NUTM2E: variants seen among roughly 807,000 people sequenced by gnomAD.
The protein encoded by NUTM2E is family with sequence similarity 22, member E.
Under a neutral mutation model 26.1 loss-of-function variants are expected in NUTM2E, and 3 were observed. The observed-to-expected ratio is 0.12, with a 90% CI of 0.05 to 0.30. NUTM2E has a LOEUF of 0.30. Among genes scored for constraint, NUTM2E ranks in the 10% least tolerant of loss-of-function variants. The pLI is 1.00. For synonymous variants in NUTM2E, 13 were observed against 157.5 expected, an observed-to-expected ratio of 0.08 and a Z score of 6.87; for missense variants, 62 against 381.3, an observed-to-expected ratio of 0.16 and a Z score of 6.97.
At chr10:79,831,881 C>T (rs1841929071) in intron 1 of NUTM2E, among the ~76,000 whole-genome samples, 2 of 150,880 alleles carry the variant, frequency 1.3e-5, no homozygotes, top group Non-Finnish European at 3.0e-5. Flanking sequence ...GTGACTTAAT[C>T]ACAAAACGCG....
chr10:79,837,919 A>G (rs555733195), intron 1 of NUTM2E, among the ~76,000 whole-genome samples: 1 of 151,872 alleles, frequency 6.6e-6, no homozygotes, highest in African/African-American at 2.4e-5. Context: ...AGGCAATTAC[A>G]GTGTAGGATA....
chr10:79,834,467 G>A (rs886508437), intron 1 of NUTM2E, among the ~76,000 whole-genome samples: 3 of 151,668 alleles, frequency 2.0e-5, no homozygotes, highest in South Asian at 2.1e-4. Context: ...TTGGGAGCCC[G>A]AGGCAGGCGG....
intron 1 of NUTM2E, among the ~76,000 whole-genome samples, chr10:79,837,128 TAGTC>T (rs748118589): frequency 2.6e-5 from 4 of 152,096 alleles, no homozygotes; most frequent in South Asian, 2.1e-4. Flanking sequence ...GACTTTTTCA[TAGTC>T]AGAGCCACCT....
At chr10:79,837,318 G>A (rs1246768858) in intron 1 of NUTM2E, among the ~76,000 whole-genome samples, 1 of 151,928 alleles carries the variant, frequency 6.6e-6, no homozygotes, top group Non-Finnish European at 1.5e-5. Context: ...TGGTCCATTT[G>A]GTTGTATATT....
At position 79,839,467 on chromosome 10, in the gene NUTM2E, A is replaced by T. The variant is rs867826609; in HGVS notation, c.-2113-161A>T. 3.0e-4 allele frequency among the ~76,000 whole-genome samples: 45 copies of T among 151,554 alleles called. 1 individual carries two copies. The highest frequency in any genetic ancestry group is 9.9e-4 in the African/African-American group (41 of 41,340). On this transcript the variant is annotated intron_variant, in intron 3 of 9. Transcript: ENST00000429984. ...TCAATTTCAGTCGATAAAGCAGCAGATACTAAGGGAACAATTCCACGCTCC... is the reference window on the plus strand; with the variant it reads ...TCAATTTCAGTCGATAAAGCAGCAGTTACTAAGGGAACAATTCCACGCTCC...
rs1246023637 is a variant in NUTM2E, at chr10:79,830,706, A to G, written c.-2728+3349A>G. Among the ~76,000 whole-genome samples the G allele has an allele frequency of 3.3e-5, 5 of 151,876 alleles. No homozygotes were observed. In the East Asian group the frequency reaches 9.7e-4, roughly 29 times the overall value. On this transcript the variant is annotated intron_variant, in intron 1 of 9. Transcript: ENST00000429984. ...TTTAAAATAATCAAATTAGCAAAAT[A>G]CAAAAAAAAGAACATTTCACATGAA...
intron 1 of NUTM2E, among the ~76,000 whole-genome samples, chr10:79,831,575 C>T (rs1397165468): frequency 2.0e-5 from 3 of 151,742 alleles, no homozygotes; most frequent in African/African-American, 7.3e-5. Context: ...CTCATCAGAC[C>T]ATATTGCATG....
intron 1 of NUTM2E, among the ~76,000 whole-genome samples, chr10:79,830,749 T>G (rs7074201): frequency 0.05 from 7,635 of 151,874 alleles, 534 homozygotes; most frequent in East Asian, 0.22. Flanking sequence ...ATTTTTGGTA[T>G]GTGTTTAAAT....
rs543995925 is a variant in NUTM2E at position 79,831,073 on chromosome 10, C to T, written c.-2728+3716C>T. On this transcript the variant is annotated intron_variant, in intron 1 of 9. Coordinates refer to ENST00000429984, the MANE Select transcript of NUTM2E (RefSeq NM_001355263.2). ...TCTTTGTTTTTCAAAATTATTTTCC[C>T]TAAAAGCATGGAACCTATGAGCCTC... Among the ~76,000 whole-genome samples the T allele has an allele frequency of 3.3e-4, 50 of 151,830 alleles. 3 individuals are homozygous for T. In the South Asian group the frequency reaches 0.01, roughly 30 times the overall value.
Position 79,828,538 on chromosome 10 carries a change from T to C in NUTM2E, c.-2728+1181T>C, listed in dbSNP as rs558991328. ...GTAGAAAAAATTTTTGCCCTTTTGC[T>C]TGGGACTGTTAACAGCCCTGGTAGT... On this transcript the variant is annotated intron_variant, in intron 1 of 9. Coordinates refer to ENST00000429984, the MANE Select transcript of NUTM2E (RefSeq NM_001355263.2). Among the ~76,000 whole-genome samples, 33 of 151,914 alleles carry C rather than the reference T, an allele frequency of 2.2e-4. 1 individual carries two copies. Among genetic ancestry groups the C allele is most frequent in the Non-Finnish European group, 4.4e-4 (30 of 67,962 alleles).
intron 1 of NUTM2E, among the ~76,000 whole-genome samples, chr10:79,833,759 G>C (rs554214751): frequency 9.9e-5 from 15 of 151,982 alleles, no homozygotes; most frequent in Non-Finnish European, 1.9e-4. Context: ...TTACACTGTT[G>C]GTGGGAGTGT....
At position 79,840,384 on chromosome 10, in the gene NUTM2E, A is replaced by G. The variant is rs1185562748; in HGVS notation, c.-1357A>G. ...GCATGTAAGAAGGCAGTTCTGTCTC[A>G]GAGGACAAAAGGCCTGGGAGCACCC... On this transcript the variant is annotated 5_prime_UTR_variant, in exon 4 of 10. Coordinates refer to ENST00000429984, the MANE Select transcript of NUTM2E (RefSeq NM_001355263.2). 2.8e-5 allele frequency among the ~76,000 whole-genome samples: 4 copies of G among 145,312 alleles called. No individual in the cohort carries two copies. Among genetic ancestry groups the G allele is most frequent in the African/African-American group, 1.0e-4 (4 of 38,904 alleles).
rs1841899960 is a variant in NUTM2E at position 79,828,052 on chromosome 10, C to T, written c.-2728+695C>T. Among the ~76,000 whole-genome samples the T allele has an allele frequency of 2.6e-5, 4 of 151,524 alleles. No homozygotes were observed. The South Asian group carries it at 8.4e-4, about 32-fold the overall frequency. On this transcript the variant is annotated intron_variant, in intron 1 of 9. Transcript: ENST00000429984. ...TTAGGTGATACGCCCACCTCGGCCT[C>T]CCAAAGTGCTGGGATTACAGGCGTG...
chr10:79,830,528 T>A lies in NUTM2E; in HGVS notation c.-2728+3171T>A, dbSNP rs1431712162. Among the ~76,000 whole-genome samples the A allele has an allele frequency of 9.2e-5, 14 of 151,886 alleles. 1 individual carries two copies. Among genetic ancestry groups the A allele is most frequent in the African/African-American group, 3.4e-4 (14 of 41,498 alleles). On this transcript the variant is annotated intron_variant, in intron 1 of 9. Transcript: ENST00000429984. ...ATTTGTCAATGAAAGTAATAATAATTCCATTCATGCATTTGTTCATGTATA... is the reference window on the plus strand; with the variant it reads ...ATTTGTCAATGAAAGTAATAATAATACCATTCATGCATTTGTTCATGTATA...
rs2132422977 is a variant in NUTM2E, at chr10:79,846,969, G to C, written c.1211+11G>C. 1 of 759,046 alleles carries C rather than the reference G, an allele frequency of 1.3e-6. No individual in the cohort carries two copies. The highest frequency in any genetic ancestry group is 1.8e-5 in the African/African-American group (1 of 54,824). 47.0% of individuals were successfully genotyped at this position (759,046 alleles called of 1,614,324 possible). On this transcript the variant is annotated intron_variant, in intron 6 of 9. Coordinates refer to ENST00000429984, the MANE Select transcript of NUTM2E (RefSeq NM_001355263.2). The stretch of plus-strand genomic sequence containing the variant: ...CGAGATGGCGGAAAAGTGAGTCTGG[G>C]GTCCTGGGAGCAGGGCCCGCGTGGC...
Position 79,828,969 on chromosome 10 carries a change from T to C in NUTM2E, c.-2728+1612T>C, listed in dbSNP as rs1841909250. Among the ~76,000 whole-genome samples the C allele has an allele frequency of 8.6e-5, 13 of 151,956 alleles. No individual in the cohort carries two copies. The South Asian group carries it at 2.7e-3, about 32-fold the overall frequency. Reference sequence around the variant, plus strand: ...TTTAAATAATTATCATTAATATGGATAAATTTTGACCATACCTGAATAAAT... The same window carrying C: ...TTTAAATAATTATCATTAATATGGACAAATTTTGACCATACCTGAATAAAT... On this transcript the variant is annotated intron_variant, in intron 1 of 9. Transcript: ENST00000429984.
intron 5 of NUTM2E, 134 bp from the exon 6 acceptor site, chr10:79,846,686 GCCTGAGGAGC>G (rs2132422689): frequency 1.7e-6 from 1 of 595,474 alleles, no homozygotes; most frequent in African/African-American, 2.9e-5. Context: ...GTGTTCTGGG[GCCTGAGGAGC>G]CCACATGGGG....
At chr10:79,831,324 AT>A (rs1486289270) in intron 1 of NUTM2E, among the ~76,000 whole-genome samples, 2 of 151,454 alleles carry the variant, frequency 1.3e-5, no homozygotes, top group African/African-American at 4.8e-5. Flanking sequence ...GTTAAACATT[AT>A]ATACTTAAAA....
intron 1 of NUTM2E, among the ~76,000 whole-genome samples, chr10:79,835,075 G>A (rs1308350788): frequency 6.7e-6 from 1 of 149,702 alleles, no homozygotes; most frequent in African/African-American, 2.5e-5. Context: ...GGCAGAGCCT[G>A]AAATGACAGA....
Sources: allele counts gnomAD v4.1 joint callset (sites outside exome capture counted in the v4.1 genomes callset), GRCh38; gene constraint gnomAD v4.1.1; transcripts MANE v1.5; gene names NCBI Gene and HGNC (gene_info 2026-07-23, HGNC 2026-07-21).